The following CACNA2D2 variants were observed in gnomAD, a reference collection of about 807,000 sequenced individuals.
The protein encoded by CACNA2D2 is calcium voltage-gated channel auxiliary subunit alpha2delta 2.
A neutral mutation model predicts 166.4 loss-of-function variants in CACNA2D2; 48 were observed. The observed-to-expected ratio is 0.29, with a 90% CI of 0.23 to 0.37. CACNA2D2 has a LOEUF of 0.37. CACNA2D2 is among the 10% of genes least tolerant of loss of function. CACNA2D2 has a pLI of 1.00. For missense variants in CACNA2D2, 1,122 were observed against 1,433.0 expected (o/e 0.78, Z 3.50); for synonymous variants, 561 against 573.7 (o/e 0.98, Z 0.32).
chr3:50,391,061 C>G lies in CACNA2D2; in HGVS notation c.465+3048G>C, dbSNP rs372425503. 5.8e-4 allele frequency among the ~76,000 whole-genome samples: 88 copies of G among 152,360 alleles called. 1 individual carries two copies. Among genetic ancestry groups the G allele is most frequent in the African/African-American group, 2.0e-3 (84 of 41,590 alleles). On this transcript the variant is annotated intron_variant, in intron 4 of 37. Transcript: ENST00000424201. ...CTGGCTTGGCAGAGGCAGGCAGGGG[C>G]CCTATGGCTGGGTCAGACCCTCAGG... is the stretch of plus-strand genomic sequence containing the variant.
At chr3:50,383,097 C>A (rs1196739961) in intron 6 of CACNA2D2, among the ~76,000 whole-genome samples, 1 of 152,172 alleles carries the variant, frequency 6.6e-6, no homozygotes, top group Non-Finnish European at 1.5e-5. Context: ...ATATAAAATG[C>A]AATTTATGTG....
chr3:50,367,172 G>C lies in CACNA2D2; in HGVS notation c.2402-63C>G. On this transcript the variant is annotated intron_variant, in intron 27 of 37. Coordinates refer to ENST00000424201, the MANE Select transcript of CACNA2D2 (RefSeq NM_006030.4). The surrounding 1 kb of genome is among the most constrained non-coding windows in gnomAD (Gnocchi z 6.5). ...CGGCCACACTGACCACTCTATGCTG[G>C]GTCCTACAAACCCAGCAGTCCAATC... The C allele has an allele frequency of 7.7e-7, 1 of 1,306,722 alleles. No individual in the cohort carries two copies. The highest frequency in any genetic ancestry group is 1.1e-6 in the Non-Finnish European group (1 of 914,428). The allele number at this position is 1,306,722 out of a possible 1,614,324, so 80.9% of individuals were successfully genotyped here.
intron 2 of CACNA2D2, among the ~76,000 whole-genome samples, chr3:50,436,228 T>A (rs113269759): frequency 6.6e-6 from 1 of 152,138 alleles, no homozygotes. Flanking sequence ...TGGAGAGTGG[T>A]GCCCCGACCC....
rs1559872958 is a variant in CACNA2D2 at position 50,365,980 on chromosome 3, A to G, written c.2862+31T>C. 5 of 1,610,516 alleles carry G rather than the reference A, an allele frequency of 3.1e-6. No individual in the cohort carries two copies. The highest frequency in any genetic ancestry group is 3.4e-6 in the Non-Finnish European group (4 of 1,178,338). On this transcript the variant is annotated intron_variant, in intron 32 of 37. Transcript: ENST00000424201. The surrounding 1 kb of genome is among the most constrained non-coding windows in gnomAD (Gnocchi z 4.5). ...GTGGGCAGGTCTCCCAGTCCCCCCC[A>G]TCTCCAGTCCAGGCATCTCTGGGGA...
Position 50,368,151 on chromosome 3 carries a change from T to C in CACNA2D2, c.2130A>G (p.Pro710=), listed in dbSNP as rs1575587304. The C allele has an allele frequency of 6.2e-7, 1 of 1,612,536 alleles. No individual in the cohort carries two copies. The highest frequency in any genetic ancestry group is 1.7e-5 in the Admixed American group (1 of 60,030). The part of the protein sequence containing the change: ...NFIELMEKVT[P]DSKQCNNFLL... ...CCAGGCACTCACACTGCTTGGAGTCTGGAGTCACTTTCTCCATGAGCTCAA... is the reference window on the plus strand; with the variant it reads ...CCAGGCACTCACACTGCTTGGAGTCCGGAGTCACTTTCTCCATGAGCTCAA... Residue 710 remains proline, a synonymous_variant, in exon 24 of 38, where the codon CCA becomes CCG. Transcript: ENST00000424201.
intron 1 of CACNA2D2, among the ~76,000 whole-genome samples, chr3:50,477,684 G>T (rs1248810059): frequency 1.3e-5 from 2 of 152,198 alleles, no homozygotes; most frequent in Non-Finnish European, 2.9e-5. Context: ...AAGTTACCAT[G>T]AAGATTTAAA....
intron 3 of CACNA2D2, among the ~76,000 whole-genome samples, chr3:50,424,452 G>A (rs558542612): frequency 2.0e-5 from 3 of 152,256 alleles, no homozygotes; most frequent in Non-Finnish European, 2.9e-5. Flanking sequence ...CAACACACAC[G>A]CACGCGCTCT....
At chr3:50,437,136 A>T (rs760347651) in intron 2 of CACNA2D2, among the ~76,000 whole-genome samples, 1 of 152,304 alleles carries the variant, frequency 6.6e-6, no homozygotes, top group South Asian at 2.1e-4. Context: ...CGGCTGCATG[A>T]GCCCTCGGGG....
chr3:50,400,470 G>A (rs1206921685), intron 3 of CACNA2D2, among the ~76,000 whole-genome samples: 2 of 152,260 alleles, frequency 1.3e-5, no homozygotes, highest in African/African-American at 2.4e-5. Flanking sequence ...CCACCTCAGC[G>A]ACTTTGTGGC....
At chr3:50,502,936 GC>G (rs111457207) in intron 1 of CACNA2D2, among the ~76,000 whole-genome samples, 12,731 of 150,760 alleles carry the variant, frequency 0.084, 557 homozygotes, top group Admixed American at 0.1. Flanking sequence ...AGCTCGGACC[GC>G]CCCCCCCCAA....
At chr3:50,499,395 T>A (rs6806942) in intron 1 of CACNA2D2, among the ~76,000 whole-genome samples, 2,968 of 152,302 alleles carry the variant, frequency 0.019, 102 homozygotes, top group African/African-American at 0.068. Flanking sequence ...ATGTTAACAG[T>A]GGCAGCCATG....
chr3:50,425,000 C>T (rs1399899454), intron 3 of CACNA2D2, among the ~76,000 whole-genome samples: 1 of 152,184 alleles, frequency 6.6e-6, no homozygotes, highest in Non-Finnish European at 1.5e-5. Flanking sequence ...CAGGTACCCA[C>T]TGCCACAGAG....
chr3:50,428,123 C>T (rs1213803476), intron 3 of CACNA2D2, among the ~76,000 whole-genome samples: 2 of 152,128 alleles, frequency 1.3e-5, no homozygotes, highest in African/African-American at 2.4e-5. Flanking sequence ...GGCAACTTTG[C>T]CCCCAGGCAA....
Position 50,367,336 on chromosome 3 carries a change from G to A in CACNA2D2, c.2401+58C>T. The A allele has an allele frequency of 1.3e-6, 2 of 1,485,536 alleles. No individual in the cohort carries two copies. The highest frequency in any genetic ancestry group is 1.7e-5 in the Admixed American group (1 of 58,040). 92.0% of individuals were successfully genotyped at this position (1,485,536 alleles called of 1,614,324 possible). Reference sequence around the variant, plus strand: ...GACAGCAGAGCCCAGTTCTGGCTGAGCAGACAGGGAAGCTGAGGCTCCCTG... The same window carrying A: ...GACAGCAGAGCCCAGTTCTGGCTGAACAGACAGGGAAGCTGAGGCTCCCTG... On this transcript the variant is annotated intron_variant, in intron 27 of 37. Coordinates refer to ENST00000424201, the MANE Select transcript of CACNA2D2 (RefSeq NM_006030.4). The surrounding 1 kb of genome is among the most constrained non-coding windows in gnomAD (Gnocchi z 6.5).
intron 17 of CACNA2D2, among the ~76,000 whole-genome samples, chr3:50,377,044 G>A (rs985014593): frequency 6.6e-5 from 10 of 152,244 alleles, no homozygotes; most frequent in Non-Finnish European, 1.3e-4. Context: ...CATGAGCTAA[G>A]AATGGTTTTA....
chr3:50,373,150 A>T (rs1387668799), intron 22 of CACNA2D2: 1 of 1,418,722 alleles, frequency 7.0e-7, no homozygotes, highest in Non-Finnish European at 9.6e-7. Context: ...AAAACAAACG[A>T]AAAGGGGGAG....
intron 2 of CACNA2D2, among the ~76,000 whole-genome samples, chr3:50,438,472 C>T (rs892683128): frequency 6.6e-6 from 1 of 152,216 alleles, no homozygotes; most frequent in Non-Finnish European, 1.5e-5. Flanking sequence ...GAACCCTCTG[C>T]CCAGCCTCCT....
intron 2 of CACNA2D2, among the ~76,000 whole-genome samples, chr3:50,438,853 G>A (rs142582406): frequency 3.9e-4 from 60 of 152,344 alleles, no homozygotes; most frequent in Admixed American, 2.3e-3. Flanking sequence ...GGAGAGTGGG[G>A]AAAAGCAAGG....
At chr3:50,469,956 G>A (rs1709993848) in intron 2 of CACNA2D2, among the ~76,000 whole-genome samples, 1 of 152,230 alleles carries the variant, frequency 6.6e-6, no homozygotes, top group Admixed American at 6.5e-5. Context: ...CAAGCTGGAA[G>A]CTGAAGGCCC....
Sources: allele counts gnomAD v4.1 joint callset (sites outside exome capture counted in the v4.1 genomes callset), GRCh38; gene constraint gnomAD v4.1.1; non-coding constraint Gnocchi (gnomAD v3.1); transcripts MANE v1.5; gene names NCBI Gene and HGNC (gene_info 2026-07-23, HGNC 2026-07-21).